SUGP1: variants seen among roughly 807,000 people sequenced by gnomAD.
SUGP1 encodes SURP and G-patch domain-containing protein 1.
SUGP1 carries 34 observed loss-of-function variants against 76.5 expected under a neutral mutation model. The observed-to-expected ratio is 0.44, with a 90% CI of 0.34 to 0.59. The LOEUF is 0.59. SUGP1 is among the 20% of genes least tolerant of loss of function. SUGP1 has a pLI of 0.01. For missense variants in SUGP1, 752 were observed against 851.7 expected (o/e 0.88, Z 1.46); for synonymous variants, 326 against 326.2 (o/e 1.00, Z 0.01).
chr19:19,308,189 C>T (rs2061330420), intron 3 of SUGP1, among the ~76,000 whole-genome samples: 1 of 151,958 alleles, frequency 6.6e-6, no homozygotes, highest in African/African-American at 2.4e-5. Flanking sequence ...CATCACCATG[C>T]CTGGCTAATT....
chr19:19,297,530 G>T (rs571800560), intron 7 of SUGP1, among the ~76,000 whole-genome samples, 186 bp from the exon 8 acceptor site: 12 of 152,042 alleles, frequency 7.9e-5, no homozygotes, highest in Admixed American at 7.2e-4. Flanking sequence ...TGCTGGTTCT[G>T]GTGGCCCGAT....
At chr19:19,287,095 T>G (rs192622391) in intron 8 of SUGP1, among the ~76,000 whole-genome samples, 146 of 152,214 alleles carry the variant, frequency 9.6e-4, no homozygotes, top group African/African-American at 3.3e-3. Context: ...AGCAACATGG[T>G]GAAACCCTGT....
intron 8 of SUGP1, chr19:19,280,814 G>A (rs2061092836): frequency 6.5e-6 from 1 of 152,850 alleles, no homozygotes; most frequent in African/African-American, 2.4e-5. Context: ...CAGAGCAGCT[G>A]ACATTTAATT....
At chr19:19,298,732 T>C (rs556786284) in intron 7 of SUGP1, among the ~76,000 whole-genome samples, 16 of 152,268 alleles carry the variant, frequency 1.1e-4, no homozygotes, top group Admixed American at 7.9e-4. Flanking sequence ...AAGGGAACAG[T>C]TGGTCAGATT....
At chr19:19,309,178 T>C (rs979231246) in intron 3 of SUGP1, among the ~76,000 whole-genome samples, 1 of 152,032 alleles carries the variant, frequency 6.6e-6, no homozygotes, top group African/African-American at 2.4e-5. Context: ...GCCCCCTTGG[T>C]ATTAATTTAC....
At position 19,308,647 on chromosome 19, in the gene SUGP1, C is replaced by T. The variant is rs569449495; in HGVS notation, c.310+1450G>A. Reference sequence around the variant, plus strand: ...GCAGCTCAGGTGTCTCGGGCCAGCCCGGTGTCTCTGAAAACCCTGTATGCA... The same window carrying T: ...GCAGCTCAGGTGTCTCGGGCCAGCCTGGTGTCTCTGAAAACCCTGTATGCA... On this transcript the variant is annotated intron_variant, in intron 3 of 13. Coordinates refer to ENST00000247001, the MANE Select transcript of SUGP1 (RefSeq NM_172231.4). Among the ~76,000 whole-genome samples the T allele has an allele frequency of 4.6e-5, 7 of 152,380 alleles. No homozygotes were observed. In the South Asian group the frequency reaches 1.4e-3, roughly 32 times the overall value.
Position 19,276,624 on chromosome 19 carries a change from A to G in SUGP1, c.*24T>C. The G allele has an allele frequency of 6.2e-7, 1 of 1,614,118 alleles. No individual in the cohort carries two copies. The highest frequency in any genetic ancestry group is 1.1e-5 in the South Asian group (1 of 91,078). On this transcript the variant is annotated 3_prime_UTR_variant, in exon 14 of 14. Transcript: ENST00000247001. ...ACAGTCCAGGGACGGTTGGTCATTC[A>G]GAAAGTATGTATTTCCAGAACACTC... is the stretch of plus-strand genomic sequence containing the variant.
Position 19,297,160 on chromosome 19 carries a change from T to G in SUGP1, c.1072A>C (p.Thr358Pro). ...PPATTCPASS[T>P]PAPTIIPAPA... Reference sequence around the variant, plus strand: ...GCAGGGATGATAGTGGGCGCAGGCGTGGACGAGGCGGGGCAGGTGGTGGCT... The same window carrying G: ...GCAGGGATGATAGTGGGCGCAGGCGGGGACGAGGCGGGGCAGGTGGTGGCT... The change falls in exon 8 of 14, where the codon ACG becomes CCG. Residue 358 changes from threonine to proline, a missense_variant. Thr to Pro is a conservative substitution (Grantham distance 38). Around this residue, in one of 2 missense-constraint regions of SUGP1, gnomAD observed 620 missense variants for 617.3 expected, o/e 1.00. Transcript: ENST00000247001. 6.2e-7 allele frequency: 1 copy of G among 1,612,804 alleles called. No individual in the cohort carries two copies. The highest frequency in any genetic ancestry group is 8.5e-7 in the Non-Finnish European group (1 of 1,179,118).
chr19:19,303,624 A>T, intron 5 of SUGP1, 100 bp downstream of exon 5: 1 of 1,491,768 alleles, frequency 6.7e-7, no homozygotes. Flanking sequence ...AACGCTTGGA[A>T]CAGCATCCGG....
chr19:19,280,253 G>A lies in SUGP1; in HGVS notation c.1282C>T (p.Pro428Ser). ...LKGLGYEKGK[P>S]VGLVGVTELS... ...TCTGTGACGCCCACTAGACCCACAG[G>A]CTTCCCCTTCTCATAGCCGAGCCCC... Residue 428 changes from proline to serine, a missense_variant, in exon 9 of 14, where the codon CCT (proline) becomes TCT (serine). Pro to Ser is a moderately conservative substitution (Grantham distance 74). Transcript: ENST00000247001. 6.2e-7 allele frequency: 1 copy of A among 1,613,994 alleles called. No homozygotes were observed. The highest frequency in any genetic ancestry group is 8.5e-7 in the Non-Finnish European group (1 of 1,179,982).
chr19:19,276,377 C>T lies in SUGP1; in HGVS notation c.*271G>A. ...TCCAGCTTTACTATGCTGAAAACAA[C>T]TTTCTTCCTCCCCTCCAGTGCAACC... On this transcript the variant is annotated 3_prime_UTR_variant, in exon 14 of 14. Coordinates refer to ENST00000247001, the MANE Select transcript of SUGP1 (RefSeq NM_172231.4). 1 of 438,754 alleles carries T rather than the reference C, an allele frequency of 2.3e-6. No individual in the cohort carries two copies. The allele number at this position is 438,754 out of a possible 1,614,324, so 27.2% of individuals were successfully genotyped here.
rs377757146 is a variant in SUGP1, at chr19:19,297,164, C to T, written c.1068G>A (p.Ser356=). ...SLPPATTCPA[S]STPAPTIIPA... ...GGATGATAGTGGGCGCAGGCGTGGA[C>T]GAGGCGGGGCAGGTGGTGGCTGGGG... is the stretch of plus-strand genomic sequence containing the variant. Residue 356 remains serine (S), a synonymous_variant, in exon 8 of 14, where the codon TCG becomes TCA. Coordinates refer to ENST00000247001, the MANE Select transcript of SUGP1 (RefSeq NM_172231.4). 34 of 1,611,936 alleles carry T rather than the reference C, an allele frequency of 2.1e-5. No individual in the cohort carries two copies. The East Asian group carries it at 2.7e-4, about 13-fold the overall frequency.
chr19:19,304,412 C>A (rs889823641), intron 4 of SUGP1, among the ~76,000 whole-genome samples: 6 of 152,096 alleles, frequency 3.9e-5, no homozygotes, highest in African/African-American at 1.4e-4. Flanking sequence ...AAGATCATCT[C>A]ATACACTTCC....
intron 1 of SUGP1, among the ~76,000 whole-genome samples, chr19:19,318,901 T>C (rs2061414830): frequency 6.6e-6 from 1 of 152,104 alleles, no homozygotes; most frequent in African/African-American, 2.4e-5. Context: ...AGGTTCCCCA[T>C]GGGACTCAGA....
At chr19:19,279,717 G>A (rs941775358) in intron 9 of SUGP1, among the ~76,000 whole-genome samples, 5 of 152,208 alleles carry the variant, frequency 3.3e-5, no homozygotes, top group Non-Finnish European at 5.9e-5. Flanking sequence ...ACAGGCAAGC[G>A]CCTGCAGCTC....
At chr19:19,298,224 G>A (rs891850009) in intron 7 of SUGP1, among the ~76,000 whole-genome samples, 9 of 152,222 alleles carry the variant, frequency 5.9e-5, no homozygotes, top group African/African-American at 2.2e-4. Context: ...GAGGCCGGGC[G>A]CGGTGGCTCA....
intron 4 of SUGP1, among the ~76,000 whole-genome samples, chr19:19,304,724 A>G (rs944377783): frequency 6.6e-6 from 1 of 152,202 alleles, no homozygotes; most frequent in Non-Finnish European, 1.5e-5. Flanking sequence ...TCTCGCTGCC[A>G]GCAAGTGCCT....
At chr19:19,298,001 GT>G (rs1428399203) in intron 7 of SUGP1, among the ~76,000 whole-genome samples, 1 of 152,236 alleles carries the variant, frequency 6.6e-6, no homozygotes, top group African/African-American at 2.4e-5. Context: ...TGTCTTTGGG[GT>G]CTATGCCAAA....
chr19:19,280,050 G>A (rs907395583), intron 9 of SUGP1, 135 bp downstream of exon 9: 30 of 820,576 alleles, frequency 3.7e-5, no homozygotes, highest in East Asian at 2.7e-5. Flanking sequence ...AAGCCTCCCC[G>A]CTGGCCATGG....
Sources: gnomAD v4.1 joint callset for allele counts (sites outside exome capture counted in the v4.1 genomes callset) on GRCh38, gnomAD v4.1.1 for gene constraint, gnomAD v4.1.1 regional missense constraint, MANE v1.5 for transcripts, NCBI Gene and HGNC (gene_info 2026-07-23, HGNC 2026-07-21) for gene names.